The following DIDO1 variants were observed in gnomAD, a reference collection of about 807,000 sequenced individuals.
The protein encoded by DIDO1 is death-inducer obliterator 1.
A neutral mutation model predicts 99.4 loss-of-function variants in DIDO1; 16 were observed. That is an observed-to-expected ratio of 0.16 (90% CI 0.11 to 0.24). The LOEUF is 0.24. Ranked by LOEUF, DIDO1 falls within the 10% of genes least tolerant of loss-of-function variation. The pLI is 1.00. For missense variants in DIDO1, 2,996 were observed against 3,014.0 expected (o/e 0.99, Z 0.14); for synonymous variants, 1,366 against 1,239.1 (o/e 1.10, Z -2.15).
rs1268979556 is a variant in DIDO1, at chr20:62,880,215, C to T, written c.5741G>A (p.Gly1914Asp). The stretch of plus-strand genomic sequence containing the variant: ...ATGACCAGGGGGTGGTCCTCTCTGA[C>T]CTCCAAACTGAGAGGGAGGGGGGCC... ...RGGPPPSQFG[G>D]QRGPPPGHFV... is the part of the protein sequence containing the mutation. The change falls in exon 16 of 16, where the codon GGT (glycine) becomes GAT (aspartate). Residue 1914 changes from glycine to aspartate, a missense_variant. This residue lies in a region of DIDO1 where 1,562 missense variants were observed against 1,412.6 expected (regional missense o/e 1.11). Transcript: ENST00000395343. 1.2e-6 allele frequency: 2 copies of T among 1,612,406 alleles called. No homozygotes were observed. The highest frequency in any genetic ancestry group is 1.7e-4 in the Middle Eastern group (1 of 6,054).
chr20:62,882,914 C>CGT (rs2064236536), intron 15 of DIDO1, among the ~76,000 whole-genome samples: 1 of 113,786 alleles, frequency 8.8e-6, no homozygotes, highest in Non-Finnish European at 1.8e-5. Context: ...TAACAAACAG[C>CGT]CTTTTTTTTT....
At chr20:62,908,149 A>AT (rs1202868615) in intron 4 of DIDO1, among the ~76,000 whole-genome samples, 1 of 151,892 alleles carries the variant, frequency 6.6e-6, no homozygotes, top group African/African-American at 2.4e-5. Context: ...CCAGCTCATT[A>AT]TTTATTTTTT....
Position 62,880,796 on chromosome 20 carries a change from C to T in DIDO1, c.5160G>A (p.Glu1720=), listed in dbSNP as rs531192679. The change falls in exon 16 of 16, where the codon GAG becomes GAA. Residue 1720 remains glutamate (E), a synonymous_variant. Coordinates refer to ENST00000395343, the MANE Select transcript of DIDO1 (RefSeq NM_001193369.2). The part of the protein sequence containing the change: ...GRSSSPAGET[E]GDREPQARPG... ...GTCTGGCCTGTGGCTCTCTGTCCCC[C>T]TCTGTTTCACCTGCAGGGCTGCTGC... 2 of 1,612,758 alleles carry T rather than the reference C, an allele frequency of 1.2e-6. No homozygotes were observed. Among genetic ancestry groups the T allele is most frequent in the East Asian group, 2.2e-5 (1 of 44,854 alleles).
intron 4 of DIDO1, among the ~76,000 whole-genome samples, chr20:62,907,711 T>C (rs2064838922): frequency 6.6e-6 from 1 of 152,222 alleles, no homozygotes. Flanking sequence ...TCTTCAGATG[T>C]AATTAAGGAT....
At chr20:62,910,324 C>T (rs917911952) in intron 3 of DIDO1, among the ~76,000 whole-genome samples, 1 of 152,242 alleles carries the variant, frequency 6.6e-6, no homozygotes, top group Non-Finnish European at 1.5e-5. Context: ...GGCTGCCTAT[C>T]ACCGTCTGAC....
rs772221408 is a variant in DIDO1, at chr20:62,887,611, G to A, written c.3541+3349C>T. The A allele has an allele frequency of 1.6e-5, 16 of 985,434 alleles. No individual in the cohort carries two copies. In the Middle Eastern group the frequency reaches 1.5e-3, roughly 95 times the overall value. The allele number at this position is 985,434 out of a possible 1,614,324, so 61.0% of individuals were successfully genotyped here. A position where few individuals can be genotyped will look rare whatever the true frequency, so the allele number is the denominator to read the frequency against. On this transcript the variant is annotated intron_variant, in intron 15 of 15. Transcript: ENST00000395343. ...TTCAGACCAAGGCTCCGAGGCCTGC[G>A]GCTTCACGCGGAAATGACGGGGGCT...
At chr20:62,930,902 G>A (rs2065326393), upstream of DIDO1, among the ~76,000 whole-genome samples, 3 of 152,194 alleles carry the variant, frequency 2.0e-5, no homozygotes, top group African/African-American at 7.2e-5. Context: ...TCTCAGTTCT[G>A]TCATTTTCCA....
intron 1 of DIDO1, among the ~76,000 whole-genome samples, chr20:62,917,462 C>G (rs2065059554): frequency 6.6e-6 from 1 of 152,134 alleles, no homozygotes; most frequent in Admixed American, 6.5e-5. Context: ...GCAACAAATA[C>G]TGTTCGTTTT....
intron 1 of DIDO1, among the ~76,000 whole-genome samples, chr20:62,915,204 G>C (rs900882200): frequency 3.3e-5 from 5 of 152,196 alleles, no homozygotes; most frequent in African/African-American, 1.2e-4. Context: ...ACTGGGCATA[G>C]TGTTTCGCAT....
chr20:62,899,766 G>A (rs956617909), intron 6 of DIDO1, among the ~76,000 whole-genome samples: 3 of 152,132 alleles, frequency 2.0e-5, no homozygotes, highest in Middle Eastern at 3.2e-3. Flanking sequence ...GTTCCAAGCC[G>A]GGCCTCTGGG....
intron 1 of DIDO1, among the ~76,000 whole-genome samples, chr20:62,924,950 T>C (rs1187031795): frequency 6.6e-6 from 1 of 152,202 alleles, no homozygotes; most frequent in Non-Finnish European, 1.5e-5. Context: ...GAAACAAGTC[T>C]ACAAGAACAG....
chr20:62,879,677 C>A lies in DIDO1; in HGVS notation c.6279G>T (p.Val2093=). Residue 2093 remains valine (V), a synonymous_variant, in exon 16 of 16, where the codon GTG becomes GTT. Coordinates refer to ENST00000395343, the MANE Select transcript of DIDO1 (RefSeq NM_001193369.2). The surrounding 1 kb of genome is among the most constrained non-coding windows in gnomAD (Gnocchi z 6.3). ...FEGRQRERFD[V]GPKEKPLEEP... ...CCTCCAGCGGCTTCTCTTTGGGCCC[C>A]ACGTCAAACCGCTCTCTCTGCCTCC... is the stretch of plus-strand genomic sequence containing the variant. 6.2e-7 allele frequency: 1 copy of A among 1,609,798 alleles called. No individual in the cohort carries two copies.
Position 62,911,185 on chromosome 20 carries a change from T to G in DIDO1, c.428A>C (p.Lys143Thr). 1 of 1,613,928 alleles carries G rather than the reference T, an allele frequency of 6.2e-7. No homozygotes were observed. The highest frequency in any genetic ancestry group is 8.5e-7 in the Non-Finnish European group (1 of 1,180,026). Residue 143 changes from lysine to threonine, a missense_variant, in exon 3 of 16, where the codon AAA becomes ACA. Physicochemically the swap from Lys to Thr is moderately conservative, Grantham distance 78. This residue lies in a region of DIDO1 where 388 missense variants were observed against 376.6 expected (regional missense o/e 1.03). Coordinates refer to ENST00000395343, the MANE Select transcript of DIDO1 (RefSeq NM_001193369.2). This position sits in a 1 kb window ranked among gnomAD's most constrained non-coding sequence, Gnocchi z 7.0. ...KERPASSEKV[K>T]GGDDHDDTSD... is the part of the protein sequence containing the mutation. ...GGTGTCATCGTGGTCATCCCCTCCTTTCACCTTTTCAGAAGAGGCTGGTCG... is the reference window on the plus strand; with the variant it reads ...GGTGTCATCGTGGTCATCCCCTCCTGTCACCTTTTCAGAAGAGGCTGGTCG...
chr20:62,929,693 G>GTATATATATATATATATATATATATA (rs565069048), upstream of DIDO1, among the ~76,000 whole-genome samples: 2,794 of 96,878 alleles, frequency 0.029, 371 homozygotes, highest in East Asian at 0.036. Context: ...AAAAGAAAAA[G>GTATATATATATATATATATATATATA]TGTATATATA....
At chr20:62,929,692 A>AATATATATATATATATATATATATAT, upstream of DIDO1, among the ~76,000 whole-genome samples, 10 of 63,732 alleles carry the variant, frequency 1.6e-4, 1 homozygote, top group South Asian at 2.8e-3. Context: ...AAAAAGAAAA[A>AATATATATATATATATATATATATAT]GTGTATATAT....
At position 62,905,762 on chromosome 20, in the gene DIDO1, G is replaced by A. The variant is rs41282990; in HGVS notation, c.1588+125C>T. The A allele has an allele frequency of 7.4e-3, 11,881 of 1,608,754 alleles. 59 individuals are homozygous for A. The highest frequency in any genetic ancestry group is 9.1e-3 in the Middle Eastern group (55 of 6,054). Reference sequence around the variant, plus strand: ...ACATGGGCTCTGCTTCCCGCTGATGGTGCAGCCGGTGTCTGTGATCAGCTT... The same window carrying A: ...ACATGGGCTCTGCTTCCCGCTGATGATGCAGCCGGTGTCTGTGATCAGCTT... On this transcript the variant is annotated intron_variant, in intron 6 of 15. Coordinates refer to ENST00000395343, the MANE Select transcript of DIDO1 (RefSeq NM_001193369.2).
chr20:62,929,864 GGTGTCACA>G, upstream of DIDO1, among the ~76,000 whole-genome samples: 2 of 150,948 alleles, frequency 1.3e-5, no homozygotes, highest in Non-Finnish European at 2.9e-5. Context: ...AATGCTAAAA[GGTGTCACA>G]ATCAAATCGT....
chr20:62,907,921 T>C (rs957187919), intron 4 of DIDO1, among the ~76,000 whole-genome samples: 2 of 152,158 alleles, frequency 1.3e-5, no homozygotes, highest in East Asian at 1.9e-4. Flanking sequence ...GAAATCGGAA[T>C]GTCAGATAAA....
At chr20:62,912,814 T>C (rs770177856) in intron 2 of DIDO1, among the ~76,000 whole-genome samples, 4 of 152,174 alleles carry the variant, frequency 2.6e-5, no homozygotes, top group Non-Finnish European at 5.9e-5. Context: ...GGCAGACCAC[T>C]TGAGGTTAGG....
Sources: gnomAD v4.1 joint callset for allele counts (sites outside exome capture counted in the v4.1 genomes callset) on GRCh38, gnomAD v4.1.1 for gene constraint, gnomAD v4.1.1 regional missense constraint, Gnocchi (gnomAD v3.1) non-coding constraint, MANE v1.5 for transcripts, NCBI Gene and HGNC (gene_info 2026-07-23, HGNC 2026-07-21) for gene names.